The following TGFBRAP1 variants were observed in gnomAD, a reference collection of about 807,000 sequenced individuals.
TGFBRAP1 encodes transforming growth factor-beta receptor-associated protein 1.
In TGFBRAP1, 20 loss-of-function variants were observed where a neutral mutation model predicts 83.2. That is an observed-to-expected ratio of 0.24 (90% confidence interval 0.17 to 0.35). The LOEUF is 0.35. TGFBRAP1 is among the 10% of genes least tolerant of loss of function. The pLI, the probability that TGFBRAP1 is intolerant of heterozygous loss-of-function variation, is 1.00. For missense variants in TGFBRAP1, 950 were observed against 1,099.4 expected (o/e 0.86, Z 1.92); for synonymous variants, 415 against 459.8 (o/e 0.90, Z 1.25).
At chr2:105,263,161 T>C (rs1343089683), downstream of TGFBRAP1, among the ~76,000 whole-genome samples, 1 of 152,236 alleles carries the variant, frequency 6.6e-6, no homozygotes, top group Non-Finnish European at 1.5e-5. Flanking sequence ...ATGCAGTTAG[T>C]GTGAATCTAC....
intron 6 of TGFBRAP1, among the ~76,000 whole-genome samples, chr2:105,279,513 A>C (rs1021828069): frequency 6.6e-6 from 1 of 152,136 alleles, no homozygotes. Context: ...TGCCCACCTC[A>C]GCTTCCCAAA....
chr2:105,292,016 C>G (rs1677932864), intron 4 of TGFBRAP1, among the ~76,000 whole-genome samples: 1 of 152,154 alleles, frequency 6.6e-6, no homozygotes, highest in African/African-American at 2.4e-5. Flanking sequence ...TTGTCTCCAG[C>G]CAAACTGGCC....
intron 5 of TGFBRAP1, among the ~76,000 whole-genome samples, chr2:105,281,951 G>A (rs1677552828): frequency 6.6e-6 from 1 of 152,116 alleles, no homozygotes; most frequent in African/African-American, 2.4e-5. Flanking sequence ...GCACAAGACA[G>A]TAACCCCCTG....
At chr2:105,257,609 C>T in the TGFBRAP1 span, among the ~76,000 whole-genome samples, 1 of 151,978 alleles carries the variant, frequency 6.6e-6, no homozygotes, top group Non-Finnish European at 1.5e-5. Context: ...CTTTTTCACA[C>T]TGAATAATAT....
chr2:105,318,340 C>T (rs1344251067), intron 1 of TGFBRAP1, among the ~76,000 whole-genome samples: 1 of 152,144 alleles, frequency 6.6e-6, no homozygotes, highest in Non-Finnish European at 1.5e-5. Flanking sequence ...TATGGGTGTG[C>T]ATGAGATTCC....
At chr2:105,273,711 C>T (rs1211539699) in intron 8 of TGFBRAP1, 21 bp from the exon 9 acceptor site, 1 of 1,611,438 alleles carries the variant, frequency 6.2e-7, no homozygotes, top group Non-Finnish European at 8.5e-7. Flanking sequence ...AGCGACAATA[C>T]AGTGACTGTG....
intron 1 of TGFBRAP1, among the ~76,000 whole-genome samples, chr2:105,319,559 G>C (rs1376655362): frequency 6.7e-6 from 1 of 149,728 alleles, no homozygotes; most frequent in Admixed American, 6.6e-5. Context: ...GGGTGTGGTG[G>C]CAGGTGCCTG....
intron 8 of TGFBRAP1, 73 bp from the exon 9 acceptor site, chr2:105,273,763 G>C: frequency 6.5e-7 from 1 of 1,538,622 alleles, no homozygotes; most frequent in Non-Finnish European, 8.8e-7. Context: ...TTTGGTCATT[G>C]CACATTCAAG....
At chr2:105,252,923 T>G in the TGFBRAP1 span, among the ~76,000 whole-genome samples, 1 of 151,162 alleles carries the variant, frequency 6.6e-6, no homozygotes, top group Non-Finnish European at 1.5e-5. Flanking sequence ...CGGACAATTT[T>G]TTTTGTATTT....
intron 7 of TGFBRAP1, among the ~76,000 whole-genome samples, chr2:105,277,184 C>T (rs1298469173): frequency 6.6e-6 from 1 of 152,210 alleles, no homozygotes; most frequent in Non-Finnish European, 1.5e-5. Context: ...AAGCAACTGG[C>T]ATGCATCAGC....
chr2:105,316,910 T>G (rs1361484378), intron 1 of TGFBRAP1, among the ~76,000 whole-genome samples: 1 of 151,774 alleles, frequency 6.6e-6, no homozygotes, highest in Non-Finnish European at 1.5e-5. Context: ...TACAATATAA[T>G]CAAAAACCGT....
chr2:105,271,100 C>T (rs1374700060), intron 10 of TGFBRAP1, among the ~76,000 whole-genome samples: 1 of 152,214 alleles, frequency 6.6e-6, no homozygotes, highest in Non-Finnish European at 1.5e-5. Context: ...CATATAGGGC[C>T]TCTTCCGGGA....
chr2:105,314,048 C>T (rs1309590289), intron 1 of TGFBRAP1, among the ~76,000 whole-genome samples: 1 of 151,852 alleles, frequency 6.6e-6, no homozygotes, highest in East Asian at 1.9e-4. Flanking sequence ...TCAAATATGA[C>T]TGTGTCCTTA....
rs1678143355 is a variant in TGFBRAP1, at chr2:105,298,080, G to A, written c.883+431C>T. ...CCCTTCAAACACACCATGCACTACAGTCACAGTGAGCTGCTTGAGTGGCCT... is the reference window on the plus strand; with the variant it reads ...CCCTTCAAACACACCATGCACTACAATCACAGTGAGCTGCTTGAGTGGCCT... On this transcript the variant is annotated intron_variant, in intron 3 of 11. Coordinates refer to ENST00000393359, the MANE Select transcript of TGFBRAP1 (RefSeq NM_004257.6). 2.0e-5 allele frequency among the ~76,000 whole-genome samples: 3 copies of A among 152,222 alleles called. No homozygotes were observed. In the Middle Eastern group the frequency reaches 0.01, roughly 518 times the overall value.
At chr2:105,280,870 G>T (rs140760303) in intron 5 of TGFBRAP1, 147 bp from the exon 6 acceptor site, 2 of 895,084 alleles carry the variant, frequency 2.2e-6, no homozygotes, top group Admixed American at 2.9e-5. Flanking sequence ...CAGAGCAACC[G>T]TTCTAATCTG....
intron 1 of TGFBRAP1, among the ~76,000 whole-genome samples, chr2:105,321,025 G>T (rs766139209): frequency 2.0e-5 from 3 of 152,196 alleles, no homozygotes; most frequent in Admixed American, 1.3e-4. Flanking sequence ...GGCTCTGGGG[G>T]ACGGCACAGA....
intron 6 of TGFBRAP1, among the ~76,000 whole-genome samples, chr2:105,279,870 T>A (rs1178721622): frequency 6.6e-6 from 1 of 151,890 alleles, no homozygotes; most frequent in East Asian, 1.9e-4. Context: ...AAACCCCGTC[T>A]CTACTAAAAA....
chr2:105,292,716 G>C lies in TGFBRAP1; in HGVS notation c.1038+3640C>G, dbSNP rs554348687. Among the ~76,000 whole-genome samples the C allele has an allele frequency of 6.6e-5, 10 of 152,168 alleles. No homozygotes were observed. In the East Asian group the frequency reaches 1.9e-3, roughly 29 times the overall value. On this transcript the variant is annotated intron_variant, in intron 4 of 11. Transcript: ENST00000393359. The stretch of plus-strand genomic sequence containing the variant: ...AATAAAACAGACCAGACAGTAAAAG[G>C]GGGGAGGCAGTGAACAGAGTGAAGG...
At position 105,266,828 on chromosome 2, in the gene TGFBRAP1, C is replaced by T. The variant is rs1676952390; in HGVS notation, c.*555G>A. ...CCGTTTCTGAGGGCAAAGGCAGAGC[C>T]CACGAGGTAACCCTGGGAAATGGGC... is the stretch of plus-strand genomic sequence containing the variant. On this transcript the variant is annotated 3_prime_UTR_variant, in exon 12 of 12. Coordinates refer to ENST00000393359, the MANE Select transcript of TGFBRAP1 (RefSeq NM_004257.6). 6.6e-6 allele frequency: 1 copy of T among 152,482 alleles called. No individual in the cohort carries two copies. Among genetic ancestry groups the T allele is most frequent in the Non-Finnish European group, 1.5e-5 (1 of 68,254 alleles). 9.4% of individuals were successfully genotyped at this position (152,482 alleles called of 1,614,324 possible). A position where few individuals can be genotyped will look rare whatever the true frequency, so the allele number is the denominator to read the frequency against.
Sources: gnomAD v4.1 joint callset for allele counts (sites outside exome capture counted in the v4.1 genomes callset) on GRCh38, gnomAD v4.1.1 for gene constraint, MANE v1.5 for transcripts, NCBI Gene and HGNC (gene_info 2026-07-23, HGNC 2026-07-21) for gene names.